The following FRMPD4 variants were observed in gnomAD, a reference collection of about 807,000 sequenced individuals.
FRMPD4 encodes the protein FERM and PDZ domain-containing protein 4.
In FRMPD4, 22 loss-of-function variants were observed where a neutral mutation model predicts 94.1. The observed-to-expected ratio is 0.23, with a 90% confidence interval of 0.17 to 0.33. The LOEUF (loss-of-function observed/expected upper bound fraction) is 0.33. FRMPD4 is among the 10% of genes least tolerant of loss of function. The probability of loss-of-function intolerance (pLI) is 1.00; values close to 1 mark genes in which losing one functional copy is unlikely to be tolerated. For missense variants in FRMPD4, 1,111 were observed against 1,339.9 expected (o/e 0.83, Z 2.67); for synonymous variants, 631 against 548.6 (o/e 1.15, Z -2.10).
At chrX:11,957,947 C>T (rs959036554) in intron 3 of FRMPD4, among the ~76,000 whole-genome samples, 2 of 112,086 alleles carry the variant, frequency 1.8e-5, no homozygotes, top group South Asian at 7.4e-4. Context: ...TTCTTCTCTC[C>T]TTTTTCTTTC....
At chrX:12,687,035 C>T (rs750383198) in intron 7 of FRMPD4, among the ~76,000 whole-genome samples, 3 of 111,312 alleles carry the variant, frequency 2.7e-5, no homozygotes, top group Non-Finnish European at 5.7e-5. Flanking sequence ...GAATATCAAC[C>T]CTCTGTTAAA....
rs754485692 is a variant in FRMPD4 at position 12,463,704 on chromosome X, T to G, written c.42-34976T>G. Among the ~76,000 whole-genome samples, 97 of 99,703 alleles carry G rather than the reference T, an allele frequency of 9.7e-4. 1 individual carries two copies. Among genetic ancestry groups the G allele is most frequent in the Middle Eastern group, 5.0e-3 (1 of 201 alleles). 86.6% of individuals were successfully genotyped at this position (99,703 alleles called of 115,157 possible). A position where few individuals can be genotyped will look rare whatever the true frequency, so the allele number is the denominator to read the frequency against. ...GTGTTTTTTTTTTGTTTTTGTTTTTTTTTTTTAACAGAGCATGAAATAAGG... is the reference window on the plus strand; with the variant it reads ...GTGTTTTTTTTTTGTTTTTGTTTTTGTTTTTTAACAGAGCATGAAATAAGG... On this transcript the variant is annotated intron_variant, in intron 1 of 16. Coordinates refer to ENST00000675598, the MANE Select transcript of FRMPD4 (RefSeq NM_001368397.1).
intron 1 of FRMPD4, among the ~76,000 whole-genome samples, chrX:12,140,664 A>T (rs1465226319): frequency 5.3e-5 from 6 of 112,393 alleles, no homozygotes; most frequent in African/African-American, 1.9e-4. Flanking sequence ...TTAACAAAAC[A>T]TCTAGAGCCT....
chrX:12,298,077 T>A (rs992226140), intron 1 of FRMPD4, among the ~76,000 whole-genome samples: 1 of 112,219 alleles, frequency 8.9e-6, no homozygotes, highest in Middle Eastern at 4.2e-3. Context: ...CTGTTAAAGG[T>A]AGGCCAGAGA....
chrX:12,202,783 C>T (rs1038167359), intron 1 of FRMPD4, among the ~76,000 whole-genome samples: 1 of 112,056 alleles, frequency 8.9e-6, no homozygotes, highest in Admixed American at 9.4e-5. Flanking sequence ...TGTGAAGACA[C>T]AGGCACAGAG....
intron 1 of FRMPD4, among the ~76,000 whole-genome samples, chrX:12,496,929 A>C (rs191826679): frequency 2.7e-3 from 306 of 111,710 alleles, no homozygotes; most frequent in African/African-American, 9.7e-3. Flanking sequence ...CATACTGTAC[A>C]GGAAAATGTA....
In FRMPD4 at chrX:12,606,304, G is replaced by T. The variant is rs776788130; in HGVS notation, c.159-3417G>T. Among the ~76,000 whole-genome samples the T allele has an allele frequency of 9.8e-5, 11 of 111,698 alleles. No individual in the cohort carries two copies. In the East Asian group the frequency reaches 3.1e-3, roughly 31 times the overall value. ...ATCATTTGTGTCCTCTTTTCCTATT[G>T]TCTGGAGGGCGTACTATAATCCATC... On this transcript the variant is annotated intron_variant, in intron 2 of 16. Transcript: ENST00000675598.
At chrX:11,841,260 C>T (rs2053534742) in intron 1 of FRMPD4, among the ~76,000 whole-genome samples, 1 of 110,015 alleles carries the variant, frequency 9.1e-6, no homozygotes, top group Admixed American at 9.7e-5. Context: ...GGGTATATAC[C>T]CACTAATGGG....
intron 3 of FRMPD4, among the ~76,000 whole-genome samples, chrX:11,943,837 C>T (rs1311325326): frequency 2.6e-4 from 29 of 111,777 alleles, no homozygotes; most frequent in Admixed American, 2.5e-3. Context: ...GGTTTTTTCC[C>T]TTTTTTATAA....
chrX:12,165,552 C>T (rs1476833466), intron 1 of FRMPD4, among the ~76,000 whole-genome samples: 6 of 111,479 alleles, frequency 5.4e-5, no homozygotes, highest in Admixed American at 2.9e-4. Flanking sequence ...TGGTTCCATA[C>T]GAACTTTAAG....
At chrX:12,140,828 G>C (rs2055679457) in intron 1 of FRMPD4, among the ~76,000 whole-genome samples, 1 of 111,592 alleles carries the variant, frequency 9.0e-6, no homozygotes, top group Admixed American at 9.5e-5. Context: ...TGGGGAGAGT[G>C]GTATCTTATT....
In FRMPD4 at chrX:12,537,303, A is replaced by G. The variant is rs191557625; in HGVS notation, c.158+38507A>G. Among the ~76,000 whole-genome samples the G allele has an allele frequency of 3.6e-5, 4 of 111,659 alleles. No individual in the cohort carries two copies. In the Admixed American group the frequency reaches 3.8e-4, roughly 11 times the overall value. The stretch of plus-strand genomic sequence containing the variant: ...TCTCTGGCTTTTAATTTCAGTTTCT[A>G]AGAAGAGTCCAGACTATTTTAGCAA... On this transcript the variant is annotated intron_variant, in intron 2 of 16. Coordinates refer to ENST00000675598, the MANE Select transcript of FRMPD4 (RefSeq NM_001368397.1).
intron 3 of FRMPD4, among the ~76,000 whole-genome samples, chrX:11,991,777 A>G (rs750747448): frequency 1.2e-4 from 14 of 112,499 alleles, no homozygotes; most frequent in Non-Finnish European, 2.4e-4. Flanking sequence ...TTTATAAACT[A>G]AAAACATGTA....
rs138840304 is a variant in FRMPD4 at position 12,657,210 on chromosome X, C to T, written c.423-17653C>T. Among the ~76,000 whole-genome samples, 851 of 112,017 alleles carry T rather than the reference C, an allele frequency of 7.6e-3. 6 individuals are homozygous for T. The highest frequency in any genetic ancestry group is 0.025 in the African/African-American group (782 of 30,875). On this transcript the variant is annotated intron_variant, in intron 4 of 16. Transcript: ENST00000675598. ...TGGGTGCCTCTGGCTCAAGGTGTCC[C>T]ACAGGGGTGCAATCAAGTTATTGTC... is the stretch of plus-strand genomic sequence containing the variant.
chrX:12,545,578 A>G (rs2058465672), intron 2 of FRMPD4, among the ~76,000 whole-genome samples: 1 of 113,056 alleles, frequency 8.8e-6, no homozygotes, highest in Non-Finnish European at 1.9e-5. Flanking sequence ...TCAAATGGGC[A>G]TAACTCTTTT....
chrX:11,971,053 C>T (rs1054826152), intron 3 of FRMPD4, among the ~76,000 whole-genome samples: 3 of 112,094 alleles, frequency 2.7e-5, no homozygotes, highest in African/African-American at 9.7e-5. Context: ...GTTTTTTCTA[C>T]TGGGCGTCCT....
chrX:12,260,505 G>A (rs1158643400), intron 1 of FRMPD4, among the ~76,000 whole-genome samples: 3 of 111,858 alleles, frequency 2.7e-5, no homozygotes, highest in Non-Finnish European at 5.7e-5. Context: ...GCCTAGTTCT[G>A]TCTCATTATT....
At chrX:12,664,754 T>C (rs1056228197) in intron 4 of FRMPD4, among the ~76,000 whole-genome samples, 11 of 111,926 alleles carry the variant, frequency 9.8e-5, no homozygotes, top group South Asian at 3.8e-4. Flanking sequence ...TTTTCTATTG[T>C]TTGGAATAGT....
At chrX:11,843,404 A>T (rs1001374677) in intron 1 of FRMPD4, among the ~76,000 whole-genome samples, 1 of 111,188 alleles carries the variant, frequency 9.0e-6, no homozygotes, top group African/African-American at 3.3e-5. Context: ...TTAGTGTCAC[A>T]TATATTGTAA....
Sources: allele counts gnomAD v4.1 joint callset (sites outside exome capture counted in the v4.1 genomes callset), GRCh38; gene constraint gnomAD v4.1.1; transcripts MANE v1.5; gene names NCBI Gene and HGNC (gene_info 2026-07-23, HGNC 2026-07-21).